Variants in CELF1 observed in about 807,000 individuals in gnomAD.
CELF1 encodes the protein CUGBP Elav-like family member 1.
CELF1 carries 10 observed loss-of-function variants against 61.8 expected under a neutral mutation model. The observed-to-expected ratio is 0.16, with a 90% CI of 0.10 to 0.27. The LOEUF is 0.27. Among genes scored for constraint, CELF1 ranks in the 10% least tolerant of loss-of-function variants. The pLI, the probability that CELF1 is intolerant of heterozygous loss-of-function variation, is 1.00. For missense variants in CELF1, 380 were observed against 639.1 expected (o/e 0.59, Z 4.37); for synonymous variants, 236 against 225.1 (o/e 1.05, Z -0.43).
At chr11:47,540,389 A>G (rs1334151553) in intron 1 of CELF1, among the ~76,000 whole-genome samples, 4 of 152,212 alleles carry the variant, frequency 2.6e-5, no homozygotes. Context: ...CTTTTACCAC[A>G]TAAACAGCTT....
Position 47,565,295 on chromosome 11 carries a change from C to G in CELF1, c.-151G>C, listed in dbSNP as rs149052203. 278 of 172,740 alleles carry G rather than the reference C, an allele frequency of 1.6e-3. 2 individuals are homozygous for G. Among genetic ancestry groups the G allele is most frequent in the African/African-American group, 6.4e-3 (273 of 42,438 alleles). The allele number at this position is 172,740 out of a possible 1,614,324, so 10.7% of individuals were successfully genotyped here. ...TCACCTGGGGTCACAACCCCCCTCC[C>G]TCGGAGGAGGGAGGTCACCGGCCAC... On this transcript the variant is annotated 5_prime_UTR_variant, in exon 1 of 4. Transcript: ENST00000525841.
chr11:47,554,006 T>G (rs527458092), upstream of CELF1, among the ~76,000 whole-genome samples: 183 of 152,168 alleles, frequency 1.2e-3, 1 homozygote, highest in Admixed American at 4.6e-4. Context: ...AAAACTTTGT[T>G]CTGGAAGCTT....
At position 47,505,494 on chromosome 11, in the gene CELF1, T is replaced by G. The variant is rs1164161710; in HGVS notation, c.-153-4562A>C. Among the ~76,000 whole-genome samples, 5 of 150,424 alleles carry G rather than the reference T, an allele frequency of 3.3e-5. No homozygotes were observed. The Admixed American group carries it at 3.3e-4, about 10-fold the overall frequency. On this transcript the variant is annotated intron_variant, in intron 1 of 14. Transcript: ENST00000687097. ...AAAAAATACAAAAAATACAAAAAAA[T>G]TAGCCGGCCATGGTGGCAGGCAGCT... is the stretch of plus-strand genomic sequence containing the variant.
upstream of CELF1, chr11:47,557,937 C>T (rs912763780): frequency 1.3e-5 from 2 of 152,018 alleles, no homozygotes; most frequent in Non-Finnish European, 2.9e-5. Context: ...CTCACTACAA[C>T]CTCCGCCTCC....
chr11:47,545,831 CCT>C (rs1176116340), intron 1 of CELF1, among the ~76,000 whole-genome samples: 3 of 144,786 alleles, frequency 2.1e-5, no homozygotes, highest in African/African-American at 5.1e-5. Context: ...ATGCCCAGCC[CCT>C]CTCTCTCATA....
At chr11:47,524,333 G>A (rs1214624333) in intron 1 of CELF1, among the ~76,000 whole-genome samples, 2 of 151,954 alleles carry the variant, frequency 1.3e-5, no homozygotes, top group African/African-American at 2.4e-5. Context: ...CTTCAACAAG[G>A]TATGTTTCTA....
At chr11:47,565,109 T>C (rs995677339) in intron 1 of CELF1, among the ~76,000 whole-genome samples, 2 of 152,048 alleles carry the variant, frequency 1.3e-5, no homozygotes, top group African/African-American at 4.8e-5. Context: ...TCTTCAGGGC[T>C]ACCCCGCCAC....
At chr11:47,505,840 C>T (rs11823490) in intron 1 of CELF1, among the ~76,000 whole-genome samples, 31,183 of 148,188 alleles carry the variant, frequency 0.21, 4,283 homozygotes, top group East Asian at 0.3. Context: ...GAGGCTGAGG[C>T]ACGAGAATTG....
At chr11:47,530,386 G>C (rs1256986201) in intron 1 of CELF1, among the ~76,000 whole-genome samples, 1 of 152,184 alleles carries the variant, frequency 6.6e-6, no homozygotes, top group Non-Finnish European at 1.5e-5. Context: ...GAATCAACCT[G>C]TAAAGGAAGG....
intron 1 of CELF1, among the ~76,000 whole-genome samples, chr11:47,530,414 C>T (rs1418501465): frequency 6.6e-6 from 1 of 152,168 alleles, no homozygotes; most frequent in Non-Finnish European, 1.5e-5. Flanking sequence ...AACAAGATTG[C>T]TACTGAGGAC....
chr11:47,485,986 C>A (rs1178235327), intron 6 of CELF1, among the ~76,000 whole-genome samples: 1 of 147,438 alleles, frequency 6.8e-6, no homozygotes, highest in African/African-American at 2.5e-5. Context: ...ACAGTGAAAC[C>A]CCGTCTCTAC....
At chr11:47,554,851 G>A (rs150078728), upstream of CELF1, among the ~76,000 whole-genome samples, 669 of 152,046 alleles carry the variant, frequency 4.4e-3, 1 homozygote, top group African/African-American at 0.015. Flanking sequence ...TAGTGGAGAC[G>A]GGGTTTCAAC....
At chr11:47,546,763 C>T (rs2096962703) in intron 1 of CELF1, among the ~76,000 whole-genome samples, 1 of 152,072 alleles carries the variant, frequency 6.6e-6, no homozygotes, top group African/African-American at 2.4e-5. Context: ...TTTTTCAGCA[C>T]ACATTTTTTG....
intron 9 of CELF1, among the ~76,000 whole-genome samples, chr11:47,481,102 C>CTTCT (rs2082922736): frequency 1.4e-5 from 1 of 71,418 alleles, no homozygotes; most frequent in Non-Finnish European, 2.4e-5. Flanking sequence ...TTTTCTTCTT[C>CTTCT]TTTTTTTTTT....
chr11:47,478,287 G>C (rs1424610507), intron 10 of CELF1, among the ~76,000 whole-genome samples: 2 of 152,132 alleles, frequency 1.3e-5, no homozygotes, highest in Non-Finnish European at 2.9e-5. Flanking sequence ...CAATGCAGAG[G>C]GTGTAGGCAC....
intron 12 of CELF1, among the ~76,000 whole-genome samples, chr11:47,475,796 G>A (rs1419857362): frequency 2.0e-5 from 3 of 152,110 alleles, no homozygotes; most frequent in East Asian, 3.8e-4. Flanking sequence ...TTTCTATCTG[G>A]CTATTCTGCC....
chr11:47,565,138 G>A (rs896339563), intron 1 of CELF1: 15 of 142,098 alleles, frequency 1.1e-4, no homozygotes, highest in Middle Eastern at 6.7e-3. Context: ...TCCTTGTCTT[G>A]TCTTCCCTTT....
upstream of CELF1, chr11:47,553,202 G>C (rs898099113): frequency 5.1e-6 from 2 of 390,316 alleles, no homozygotes; most frequent in East Asian, 3.6e-5. Flanking sequence ...AGCGCGGCGA[G>C]GGGGAACGTA....
rs1402657841 is a variant in CELF1, at chr11:47,477,124, A to C, written c.974-165T>G. The C allele has an allele frequency of 5.6e-6, 5 of 889,962 alleles. No homozygotes were observed. In the African/African-American group the frequency reaches 6.7e-5, roughly 12 times the overall value. The allele number at this position is 889,962 out of a possible 1,614,324, so 55.1% of individuals were successfully genotyped here. ...GACAAATAATGGCCACAGCACATTG[A>C]AAATCAGGAAGATTTCTCTTAAGTA... On this transcript the variant is annotated intron_variant, in intron 11 of 14. Coordinates refer to ENST00000687097, the MANE Select transcript of CELF1 (RefSeq NM_001376376.1).
Sources: gnomAD v4.1 joint callset for allele counts (sites outside exome capture counted in the v4.1 genomes callset) on GRCh38, gnomAD v4.1.1 for gene constraint, MANE v1.5 for transcripts, NCBI Gene and HGNC (gene_info 2026-07-23, HGNC 2026-07-21) for gene names.